LRP5: variants seen among roughly 807,000 people sequenced by gnomAD.
The protein encoded by LRP5 is LDL receptor related protein 5, also known as low-density lipoprotein receptor-related protein 5.
A neutral mutation model predicts 154.1 loss-of-function variants in LRP5; 62 were observed. The observed-to-expected ratio is 0.40, with a 90% CI of 0.33 to 0.50. The LOEUF is 0.50. LRP5 is among the 20% of genes least tolerant of loss of function. The pLI, the probability that LRP5 is intolerant of heterozygous loss-of-function variation, is 0.55. For synonymous variants in LRP5, 966 were observed against 1,011.5 expected, an observed-to-expected ratio of 0.96 and a Z score of 0.85; for missense variants, 1,915 against 2,336.7, an observed-to-expected ratio of 0.82 and a Z score of 3.72.
In LRP5 at chr11:68,347,891, G is replaced by A. The variant is rs1476936263; in HGVS notation, c.136G>A (p.Val46Met). 1.2e-6 allele frequency: 2 copies of A among 1,613,314 alleles called. No homozygotes were observed. The highest frequency in any genetic ancestry group is 1.7e-6 in the Non-Finnish European group (2 of 1,180,024). The change falls in exon 2 of 23, where the codon GTG (valine) becomes ATG (methionine). Residue 46 changes from valine to methionine, a missense_variant. Physicochemically the swap from Val to Met is conservative, Grantham distance 21. Transcript: ENST00000294304. ...LFANRRDVRL[V>M]DAGGVKLEST... is the part of the protein sequence containing the mutation. ...TGCCAACCGCCGGGACGTACGGCTG[G>A]TGGACGCCGGCGGAGTCAAGCTGGA...
intron 21 of LRP5, among the ~76,000 whole-genome samples, chr11:68,441,011 G>A (rs145936543): frequency 0.01 from 1,582 of 152,154 alleles, 25 homozygotes; most frequent in African/African-American, 0.036. Flanking sequence ...CAGGTGATCC[G>A]CCCACCTTGG....
At chr11:68,338,868 T>TG (rs2098607195) in intron 1 of LRP5, among the ~76,000 whole-genome samples, 4 of 1,680 alleles carry the variant, frequency 2.4e-3, no homozygotes, top group African/African-American at 3.8e-3. Context: ...TTTTGTTTAG[T>TG]TTTTTTTTTT....
intron 2 of LRP5, among the ~76,000 whole-genome samples, chr11:68,349,027 CTTTTTTT>C (rs368502197): frequency 8.1e-6 from 1 of 123,586 alleles, no homozygotes; most frequent in East Asian, 2.3e-4. Flanking sequence ...AGTTATGTTC[CTTTTTTT>C]TTTTTTTTTT....
chr11:68,411,552 A>C lies in LRP5; in HGVS notation c.2435A>C (p.Asp812Ala). The C allele has an allele frequency of 6.2e-7, 1 of 1,613,830 alleles. No homozygotes were observed. Among genetic ancestry groups the C allele is most frequent in the South Asian group, 1.1e-5 (1 of 91,078 alleles). ...KVGRANDLTI[D>A]YADQRLYWTD... ...GGCCGGGCCAACGACCTCACCATTG[A>C]CTACGCTGACCAGCGCCTCTACTGG... is the stretch of plus-strand genomic sequence containing the variant. Residue 812 changes from aspartate to alanine, a missense_variant, in exon 11 of 23, where the codon GAC becomes GCC. Asp to Ala is a moderately radical substitution (Grantham distance 126, BLOSUM62 -2). Coordinates refer to ENST00000294304, the MANE Select transcript of LRP5 (RefSeq NM_002335.4).
In LRP5 at chr11:68,439,817, G is replaced by A; in HGVS notation, c.4389G>A (p.Leu1463=). The change falls in exon 21 of 23, where the codon CTG becomes CTA. Residue 1463 remains leucine, a synonymous_variant. Transcript: ENST00000294304. ...CGKSMMSSVS[L]MGGRGGVPLY... ...AGTCCATGATGAGCTCCGTGAGCCT[G>A]ATGGGGGGCCGGGGCGGGGTGCCCC... is the stretch of plus-strand genomic sequence containing the variant. 1 of 1,611,852 alleles carries A rather than the reference G, an allele frequency of 6.2e-7. No individual in the cohort carries two copies. The highest frequency in any genetic ancestry group is 8.5e-7 in the Non-Finnish European group (1 of 1,179,684).
chr11:68,421,973 G>A (rs569744459), intron 13 of LRP5, among the ~76,000 whole-genome samples: 1 of 152,202 alleles, frequency 6.6e-6, no homozygotes, highest in South Asian at 2.1e-4. Context: ...TGTCACCCAG[G>A]CTGGGGTATG....
At chr11:68,304,030 A>G in the LRP5 span, among the ~76,000 whole-genome samples, 24 of 152,248 alleles carry the variant, frequency 1.6e-4, no homozygotes, top group Non-Finnish European at 3.2e-4. Flanking sequence ...TTGCATAACT[A>G]AAAAGGAGCC....
intron 5 of LRP5, 136 bp downstream of exon 5, chr11:68,365,838 A>C: frequency 1.1e-6 from 1 of 884,374 alleles, no homozygotes; most frequent in South Asian, 1.7e-5. Context: ...GTGGTGATTC[A>C]AGTCTGTGGT....
At chr11:68,325,556 A>G (rs1189993648) in intron 1 of LRP5, among the ~76,000 whole-genome samples, 2 of 152,184 alleles carry the variant, frequency 1.3e-5, no homozygotes, top group Non-Finnish European at 2.9e-5. Flanking sequence ...TCCAAGCAGA[A>G]GCTGCTGTTT....
At chr11:68,422,661 G>C (rs1165408741) in intron 13 of LRP5, among the ~76,000 whole-genome samples, 3 of 152,094 alleles carry the variant, frequency 2.0e-5, no homozygotes, top group Non-Finnish European at 4.4e-5. Flanking sequence ...GAGACGGAGA[G>C]TCCTTGAGAG....
chr11:68,415,554 T>C (rs1183923786), intron 12 of LRP5, among the ~76,000 whole-genome samples: 1 of 151,822 alleles, frequency 6.6e-6, no homozygotes, highest in Non-Finnish European at 1.5e-5. Flanking sequence ...AAGACCAGCC[T>C]GGCCAATATG....
In LRP5 at chr11:68,312,615, G is replaced by T; in HGVS notation, c.-100G>T. On this transcript the variant is annotated 5_prime_UTR_variant, in exon 1 of 23. In the 5' UTR this introduces an upstream ATG that the reference lacks. Transcript: ENST00000294304. ...CGTCGTCCTGGTCCGCGGCGCCCGA[G>T]GGGGGAGGCGGAGGCGCCGGGAGCC... The T allele has an allele frequency of 4.9e-6, 2 of 406,738 alleles. No homozygotes were observed. The highest frequency in any genetic ancestry group is 6.6e-6 in the Non-Finnish European group (2 of 301,746). 25.2% of individuals were successfully genotyped at this position (406,738 alleles called of 1,614,324 possible).
At chr11:68,397,155 C>T (rs2098649872) in intron 7 of LRP5, among the ~76,000 whole-genome samples, 2 of 152,164 alleles carry the variant, frequency 1.3e-5, no homozygotes, top group Admixed American at 1.3e-4. Context: ...CAGGACCAAG[C>T]CCTCACGTTC....
intron 5 of LRP5, among the ~76,000 whole-genome samples, chr11:68,372,310 A>T (rs1236594526): frequency 7.3e-6 from 1 of 136,608 alleles, no homozygotes; most frequent in East Asian, 2.3e-4. Context: ...GGTGATGAGG[A>T]AATGCAGTGT....
the LRP5 span, among the ~76,000 whole-genome samples, chr11:68,305,718 C>T: frequency 1.3e-5 from 2 of 152,200 alleles, no homozygotes; most frequent in Non-Finnish European, 2.9e-5. Flanking sequence ...GCTGGGATTA[C>T]AGGCGTGAGC....
intron 3 of LRP5, among the ~76,000 whole-genome samples, chr11:68,361,024 G>C (rs1453803136): frequency 9.5e-6 from 1 of 104,884 alleles, no homozygotes; most frequent in African/African-American, 3.7e-5. Flanking sequence ...AAAAAAAAAA[G>C]GCTGGGCGCG....
At chr11:68,425,686 TGAG>T (rs1359605358) in intron 15 of LRP5, among the ~76,000 whole-genome samples, 1 of 151,984 alleles carries the variant, frequency 6.6e-6, no homozygotes, top group African/African-American at 2.4e-5. Flanking sequence ...CCTCTTATGA[TGAG>T]GTAGATGGGT....
At chr11:68,315,377 A>T (rs143108037) in intron 1 of LRP5, among the ~76,000 whole-genome samples, 65 of 152,338 alleles carry the variant, frequency 4.3e-4, no homozygotes, top group African/African-American at 1.4e-3. Context: ...TCCACTGACA[A>T]ACTCACTCAC....
intron 11 of LRP5, among the ~76,000 whole-genome samples, chr11:68,411,834 G>C (rs2098659773): frequency 6.6e-6 from 1 of 152,222 alleles, no homozygotes; most frequent in Non-Finnish European, 1.5e-5. Flanking sequence ...TGTCGGGAGA[G>C]GCTCTGGTGA....
Sources: allele counts gnomAD v4.1 joint callset (sites outside exome capture counted in the v4.1 genomes callset), GRCh38; gene constraint gnomAD v4.1.1; transcripts MANE v1.5; gene names NCBI Gene and HGNC (gene_info 2026-07-23, HGNC 2026-07-21).